NFASC: variants seen among roughly 807,000 people sequenced by gnomAD.
NFASC encodes the protein neurofascin, also known as neurofascin homolog.
Under a neutral mutation model 147.5 loss-of-function variants are expected in NFASC, and 43 were observed. That is an observed-to-expected ratio of 0.29 (90% CI 0.23 to 0.38). NFASC has a LOEUF of 0.38. Among genes scored for constraint, NFASC ranks in the 10% least tolerant of loss-of-function variants. The pLI is 1.00. For synonymous variants in NFASC, 622 were observed against 665.5 expected, an observed-to-expected ratio of 0.93 and a Z score of 1.01; for missense variants, 1,320 against 1,689.0, an observed-to-expected ratio of 0.78 and a Z score of 3.83.
At position 205,017,542 on chromosome 1, in the gene NFASC, C is replaced by T. The variant is rs1558497068; in HGVS notation, c.*1003C>T. 1.3e-5 allele frequency: 2 copies of T among 152,706 alleles called. No individual in the cohort carries two copies. The highest frequency in any genetic ancestry group is 1.3e-4 in the Admixed American group (2 of 15,288). 9.5% of individuals were successfully genotyped at this position (152,706 alleles called of 1,614,324 possible). A position where few individuals can be genotyped will look rare whatever the true frequency, so the allele number is the denominator to read the frequency against. Reference sequence around the variant, plus strand: ...GGATGTAGATAGAGGGCCACACCCACCCTGTCCAGAGTAGAGGGCACCTGT... The same window carrying T: ...GGATGTAGATAGAGGGCCACACCCATCCTGTCCAGAGTAGAGGGCACCTGT... On this transcript the variant is annotated 3_prime_UTR_variant, in exon 30 of 30. Transcript: ENST00000339876.
intron 2 of NFASC, among the ~76,000 whole-genome samples, chr1:204,928,878 C>T (rs1447152122): frequency 6.6e-6 from 1 of 152,058 alleles, no homozygotes; most frequent in East Asian, 1.9e-4. Flanking sequence ...CATGGCGCCT[C>T]ATAAAGAGTT....
intron 1 of NFASC, among the ~76,000 whole-genome samples, chr1:204,870,451 T>C (rs2077506799): frequency 6.6e-6 from 1 of 152,014 alleles, no homozygotes; most frequent in South Asian, 2.1e-4. Context: ...GGAGGACGTG[T>C]GCATGGGGGA....
chr1:204,901,479 T>A (rs2084564962), intron 1 of NFASC, among the ~76,000 whole-genome samples: 1 of 152,166 alleles, frequency 6.6e-6, no homozygotes, highest in South Asian at 2.1e-4. Flanking sequence ...TCAGGAATGA[T>A]GAGAGCTTAG....
intron 1 of NFASC, among the ~76,000 whole-genome samples, chr1:204,919,226 T>A (rs1210903831): frequency 6.6e-6 from 1 of 152,132 alleles, no homozygotes; most frequent in Admixed American, 6.5e-5. Flanking sequence ...GGTTTCACTA[T>A]GTTGCCCAGG....
rs536113523 is a variant in NFASC at position 204,937,146 on chromosome 1, C to T, written c.-90-7080C>T. ...ATCACATCAATCACTACTGTGGTTT[C>T]TTTCTTTAAAAAAAAAAACACTTCT... On this transcript the variant is annotated intron_variant, in intron 2 of 29. Coordinates refer to ENST00000339876, the MANE Select transcript of NFASC (RefSeq NM_001005388.3). Among the ~76,000 whole-genome samples, 6 of 147,338 alleles carry T rather than the reference C, an allele frequency of 4.1e-5. No homozygotes were observed. The South Asian group carries it at 1.3e-3, about 31-fold the overall frequency.
intron 1 of NFASC, among the ~76,000 whole-genome samples, chr1:204,847,970 G>A (rs1415229495): frequency 1.2e-4 from 18 of 152,116 alleles, no homozygotes; most frequent in Non-Finnish European, 5.9e-5. Context: ...GAGGGTGGAG[G>A]GCAGTTTGGG....
At chr1:204,958,730 G>A (rs1414283124) in intron 8 of NFASC, among the ~76,000 whole-genome samples, 1 of 152,242 alleles carries the variant, frequency 6.6e-6, no homozygotes, top group African/African-American at 2.4e-5. Flanking sequence ...AGTGAGGATT[G>A]TTGGGGAGGC....
At chr1:204,937,501 G>C (rs61817566) in intron 2 of NFASC, among the ~76,000 whole-genome samples, 25,997 of 152,074 alleles carry the variant, frequency 0.17, 3,024 homozygotes, top group African/African-American at 0.33. Flanking sequence ...GATCTTTCTA[G>C]TGTCTCTATA....
At chr1:205,007,051 A>G (rs747914105) in intron 27 of NFASC, among the ~76,000 whole-genome samples, 20 of 152,040 alleles carry the variant, frequency 1.3e-4, no homozygotes, top group Admixed American at 1.3e-3. Context: ...CTGGGGGTAC[A>G]GAAGAGTTGT....
chr1:204,895,573 A>G (rs905799042), intron 1 of NFASC, among the ~76,000 whole-genome samples: 1 of 152,236 alleles, frequency 6.6e-6, no homozygotes, highest in Non-Finnish European at 1.5e-5. Context: ...TGACCACAAC[A>G]GTGGGCAGTC....
In NFASC at chr1:204,976,671, G is replaced by A; in HGVS notation, c.1707G>A (p.Arg569=). 1 of 1,611,496 alleles carries A rather than the reference G, an allele frequency of 6.2e-7. No homozygotes were observed. The highest frequency in any genetic ancestry group is 8.5e-7 in the Non-Finnish European group (1 of 1,177,982). ...KDDEPLYIGN[R]MKKEDDSLTI... ...CAACCCTTCCTCGGTACCTTTGCAGGATGAAGAAGGAAGACGACTCCCTGA... is the reference window on the plus strand; with the variant it reads ...CAACCCTTCCTCGGTACCTTTGCAGAATGAAGAAGGAAGACGACTCCCTGA... The change falls in exon 16 of 30, where the codon AGG becomes AGA. Residue 569 remains arginine, a splice_region_variant and synonymous_variant. Coordinates refer to ENST00000339876, the MANE Select transcript of NFASC (RefSeq NM_001005388.3).
Position 204,979,633 on chromosome 1 carries a change from C to G in NFASC, c.2176+74C>G. ...AACTCACACTGAGATCCCCCCATTC[C>G]CAGCCATGTGAACTTAGGTTACTTA... On this transcript the variant is annotated intron_variant, in intron 19 of 29. Transcript: ENST00000339876. The surrounding 1 kb of genome is among the most constrained non-coding windows in gnomAD (Gnocchi z 6.0). The G allele has an allele frequency of 7.2e-7, 1 of 1,398,580 alleles. No individual in the cohort carries two copies. The highest frequency in any genetic ancestry group is 1.0e-6 in the Non-Finnish European group (1 of 986,526). 86.6% of individuals were successfully genotyped at this position (1,398,580 alleles called of 1,614,324 possible). A position where few individuals can be genotyped will look rare whatever the true frequency, so the allele number is the denominator to read the frequency against.
chr1:204,872,057 C>T (rs935637084), intron 1 of NFASC, among the ~76,000 whole-genome samples: 1 of 152,154 alleles, frequency 6.6e-6, no homozygotes. Context: ...ATTCAGTGAC[C>T]GTACTTAACC....
chr1:204,925,374 G>A (rs548140761), intron 2 of NFASC, among the ~76,000 whole-genome samples: 1 of 152,302 alleles, frequency 6.6e-6, no homozygotes, highest in East Asian at 1.9e-4. Context: ...GGAAACTCAG[G>A]TGTGTGTGGC....
chr1:204,893,646 C>G (rs2082816239), intron 1 of NFASC, among the ~76,000 whole-genome samples: 1 of 152,200 alleles, frequency 6.6e-6, no homozygotes, highest in African/African-American at 2.4e-5. Context: ...AAAGAAGACG[C>G]ACAATTAATG....
intron 1 of NFASC, among the ~76,000 whole-genome samples, chr1:204,901,208 AG>A (rs1332782539): frequency 6.6e-6 from 1 of 152,164 alleles, no homozygotes; most frequent in Non-Finnish European, 1.5e-5. Flanking sequence ...GGATATGTGA[AG>A]CTCAGGGGAG....
intron 1 of NFASC, among the ~76,000 whole-genome samples, chr1:204,888,292 G>T (rs1030284960): frequency 2.0e-5 from 3 of 152,180 alleles, no homozygotes; most frequent in Non-Finnish European, 4.4e-5. Context: ...CTTGCCAAAA[G>T]ACAAAATTAC....
In NFASC at chr1:205,015,007, C is replaced by CAGTT. The variant is rs1196283659; in HGVS notation, c.3492-1298_3492-1295dup. ...CCAACCCACGGCTGTCCCACGAATA[C>CAGTT]AGTTAGGCTGTATTCGTGGGGCAGC... is the stretch of plus-strand genomic sequence containing the variant. On this transcript the variant is annotated intron_variant, in intron 29 of 29. Coordinates refer to ENST00000339876, the MANE Select transcript of NFASC (RefSeq NM_001005388.3). This position sits in a 1 kb window ranked among gnomAD's most constrained non-coding sequence, Gnocchi z 4.0. Among the ~76,000 whole-genome samples, 1 of 152,096 alleles carries CAGTT rather than the reference C, an allele frequency of 6.6e-6. No individual in the cohort carries two copies. Among genetic ancestry groups the CAGTT allele is most frequent in the Non-Finnish European group, 1.5e-5 (1 of 67,998 alleles).
At chr1:204,837,711 G>A (rs1424973284) in intron 1 of NFASC, among the ~76,000 whole-genome samples, 1 of 152,144 alleles carries the variant, frequency 6.6e-6, no homozygotes, top group Non-Finnish European at 1.5e-5. Flanking sequence ...TCTCTTCAGT[G>A]ATGCTGCACT....
Sources: allele counts gnomAD v4.1 joint callset (sites outside exome capture counted in the v4.1 genomes callset), GRCh38; gene constraint gnomAD v4.1.1; non-coding constraint Gnocchi (gnomAD v3.1); transcripts MANE v1.5; gene names NCBI Gene and HGNC (gene_info 2026-07-23, HGNC 2026-07-21).